The following SLC26A11 variants were observed in gnomAD, a reference collection of about 807,000 sequenced individuals.
SLC26A11 encodes the protein solute carrier family 26 member 11, also known as sodium-independent sulfate anion transporter.
SLC26A11 carries 58 observed loss-of-function variants against 62.2 expected under a neutral mutation model. The observed-to-expected ratio is 0.93, with a 90% confidence interval of 0.76 to 1.16. The LOEUF (loss-of-function observed/expected upper bound fraction) is 1.16, where lower values mean the gene tolerates loss of function less well. Among genes scored for constraint, SLC26A11 ranks in the 50% most tolerant of loss-of-function variants. The probability of loss-of-function intolerance (pLI) is 0.00; values close to 1 mark genes in which losing one functional copy is unlikely to be tolerated. For missense variants in SLC26A11, 790 were observed against 794.3 expected (o/e 0.99, Z 0.06); for synonymous variants, 411 against 368.9 (o/e 1.11, Z -1.31).
intron 16 of SLC26A11, among the ~76,000 whole-genome samples, chr17:80,250,533 T>G (rs1251407402): frequency 2.0e-5 from 3 of 152,158 alleles, no homozygotes; most frequent in Admixed American, 1.3e-4. Context: ...TGGAGATGAT[T>G]CACTTAAAAA....
At chr17:80,226,471 T>C (rs894472415) in intron 6 of SLC26A11, among the ~76,000 whole-genome samples, 3 of 152,082 alleles carry the variant, frequency 2.0e-5, no homozygotes, top group Non-Finnish European at 4.4e-5. Flanking sequence ...GAAGCCCAGG[T>C]GGGCAGATCA....
In SLC26A11 at chr17:80,240,227, C is replaced by T. The variant is rs1296064669; in HGVS notation, c.986-1544C>T. ...CTAAAAATACAAAAAATTAGCCAGGCGTGGTGGCGGGCGCCTGTAGTCCCA... is the reference window on the plus strand; with the variant it reads ...CTAAAAATACAAAAAATTAGCCAGGTGTGGTGGCGGGCGCCTGTAGTCCCA... On this transcript the variant is annotated intron_variant, in intron 9 of 17. Coordinates refer to ENST00000361193, the MANE Select transcript of SLC26A11 (RefSeq NM_001166347.2). Among the ~76,000 whole-genome samples, 3 of 151,890 alleles carry T rather than the reference C, an allele frequency of 2.0e-5. No individual in the cohort carries two copies. In the East Asian group the frequency reaches 5.8e-4, roughly 29 times the overall value.
chr17:80,250,783 C>T (rs1346069090), intron 16 of SLC26A11, among the ~76,000 whole-genome samples: 3 of 151,362 alleles, frequency 2.0e-5, no homozygotes, highest in African/African-American at 7.3e-5. Flanking sequence ...GCCGAGATCG[C>T]GCCATTGCAC....
rs114446173 is a variant in SLC26A11 at position 80,230,782 on chromosome 17, T to A, written c.736+2822T>A. ...GGGCTGCTGACTCCTTTCTCCCCAG[T>A]GTGTGTAGCATTGTCTTAGGAAACT... On this transcript the variant is annotated intron_variant, in intron 7 of 17. Transcript: ENST00000361193. 6.0e-3 allele frequency among the ~76,000 whole-genome samples: 918 copies of A among 152,314 alleles called. 12 individuals carry two copies. The highest frequency in any genetic ancestry group is 0.021 in the African/African-American group (866 of 41,556).
In SLC26A11 at chr17:80,230,482, G is replaced by C. The variant is rs556135009; in HGVS notation, c.736+2522G>C. Among the ~76,000 whole-genome samples, 5 of 152,268 alleles carry C rather than the reference G, an allele frequency of 3.3e-5. No homozygotes were observed. The East Asian group carries it at 9.7e-4, about 29-fold the overall frequency. On this transcript the variant is annotated intron_variant, in intron 7 of 17. Transcript: ENST00000361193. ...TCGAGATTTTCTTGATAAAGGCAAG[G>C]TGAAGAAAGGCGACCAGCTTAGGAC...
chr17:80,227,864 G>GTGCTGAAGCTGA lies in SLC26A11; in HGVS notation c.644_655dup (p.Leu215_Met218dup). The GTGCTGAAGCTGA allele has an allele frequency of 6.2e-7, 1 of 1,603,120 alleles. No individual in the cohort carries two copies. The highest frequency in any genetic ancestry group is 8.5e-7 in the Non-Finnish European group (1 of 1,179,850). The stretch of plus-strand genomic sequence containing the variant: ...GCTGGTCTGCATGCTGCTGCTGCTG[G>GTGCTGAAGCTGA]TGCTGAAGCTGATGCGGGACCACGT... On this transcript the variant is annotated inframe_insertion, in exon 7 of 18. Coordinates refer to ENST00000361193, the MANE Select transcript of SLC26A11 (RefSeq NM_001166347.2).
intron 10 of SLC26A11, among the ~76,000 whole-genome samples, chr17:80,242,456 G>C (rs1281625081): frequency 1.3e-5 from 2 of 152,208 alleles, no homozygotes; most frequent in Admixed American, 1.3e-4. Context: ...TCCCACCTCG[G>C]GGAGGGAGCA....
intron 9 of SLC26A11, among the ~76,000 whole-genome samples, chr17:80,239,222 G>A (rs1395216684): frequency 2.6e-5 from 4 of 151,654 alleles, no homozygotes; most frequent in Non-Finnish European, 1.5e-5. Context: ...TGGGATTACG[G>A]GTGCGCACCA....
chr17:80,228,026 T>G lies in SLC26A11; in HGVS notation c.736+66T>G. On this transcript the variant is annotated intron_variant, in intron 7 of 17. Coordinates refer to ENST00000361193, the MANE Select transcript of SLC26A11 (RefSeq NM_001166347.2). The surrounding 1 kb of genome is among the most constrained non-coding windows in gnomAD (Gnocchi z 4.1). ...CAGGTTGGGGTCACTTGGGGAGTCC[T>G]AGTCCCACCCTAGGGATTCTCACGT... 1.4e-6 allele frequency: 2 copies of G among 1,464,690 alleles called. No homozygotes were observed. Among genetic ancestry groups the G allele is most frequent in the Non-Finnish European group, 1.9e-6 (2 of 1,077,308 alleles). The allele number at this position is 1,464,690 out of a possible 1,614,324, so 90.7% of individuals were successfully genotyped here. A position where few individuals can be genotyped will look rare whatever the true frequency, so the allele number is the denominator to read the frequency against.
chr17:80,248,598 C>T lies in SLC26A11; in HGVS notation c.1446C>T (p.Val482=). ...AGGTGTCAGAGGGGCCGGTTCTGGT[C>T]CTGCAGCCGGCCAGCGGCCTGTCCT... ...ETKVSEGPVL[V]LQPASGLSFP... Residue 482 remains valine, a synonymous_variant, in exon 15 of 18, where the codon GTC becomes GTT. Transcript: ENST00000361193. The T allele has an allele frequency of 6.3e-7, 1 of 1,587,756 alleles. No individual in the cohort carries two copies. The highest frequency in any genetic ancestry group is 8.6e-7 in the Non-Finnish European group (1 of 1,167,472).
intron 9 of SLC26A11, among the ~76,000 whole-genome samples, chr17:80,240,436 C>T (rs1000533075): frequency 2.4e-4 from 37 of 152,010 alleles, no homozygotes; most frequent in African/African-American, 8.7e-4. Context: ...CCTTCGCCTG[C>T]TCACCTCTCT....
chr17:80,223,304 T>C lies in SLC26A11; in HGVS notation c.480T>C (p.Ala160=). The change falls in exon 5 of 18, where the codon GCT becomes GCC. Residue 160 remains alanine (A), a synonymous_variant. Coordinates refer to ENST00000361193, the MANE Select transcript of SLC26A11 (RefSeq NM_001166347.2). The surrounding 1 kb of genome is among the most constrained non-coding windows in gnomAD (Gnocchi z 4.6). Reference sequence around the variant, plus strand: ...CCGTCATTAAAGGCTTCACCTCTGCTGCTGCCGTCACCATCGGCTTTGGAC... The same window carrying C: ...CCGTCATTAAAGGCTTCACCTCTGCCGCTGCCGTCACCATCGGCTTTGGAC... The part of the protein sequence containing the change: ...SYPVIKGFTS[A]AAVTIGFGQI... The C allele has an allele frequency of 1.2e-6, 2 of 1,614,178 alleles. No homozygotes were observed. The highest frequency in any genetic ancestry group is 1.7e-6 in the Non-Finnish European group (2 of 1,180,032).
At position 80,237,602 on chromosome 17, in the gene SLC26A11, G is replaced by A. The variant is rs373723248; in HGVS notation, c.985+8G>A. ...CGGTGGCCAAAGCCTTCGGTAAGACGCCTGTCACCCACACCCCAGGTCTCC... is the reference window on the plus strand; with the variant it reads ...CGGTGGCCAAAGCCTTCGGTAAGACACCTGTCACCCACACCCCAGGTCTCC... On this transcript the variant is annotated splice_region_variant and intron_variant, in intron 9 of 17. Transcript: ENST00000361193. The A allele has an allele frequency of 1.1e-5, 18 of 1,609,270 alleles. No individual in the cohort carries two copies. The highest frequency in any genetic ancestry group is 3.3e-5 in the South Asian group (3 of 89,758).
Position 80,237,548 on chromosome 17 carries a change from G to T in SLC26A11, c.939G>T (p.Val313=). 6.2e-7 allele frequency: 1 copy of T among 1,611,864 alleles called. No homozygotes were observed. Among genetic ancestry groups the T allele is most frequent in the Non-Finnish European group, 8.5e-7 (1 of 1,179,230 alleles). ...VQDMGAGLAV[V]PLMGLLESIA... is the part of the protein sequence containing the mutation. ...ACATGGGAGCCGGGCTGGCCGTGGTGCCCCTGATGGGCCTCCTGGAGAGCA... is the reference window on the plus strand; with the variant it reads ...ACATGGGAGCCGGGCTGGCCGTGGTTCCCCTGATGGGCCTCCTGGAGAGCA... Residue 313 remains valine, a synonymous_variant, in exon 9 of 18, where the codon GTG becomes GTT. Coordinates refer to ENST00000361193, the MANE Select transcript of SLC26A11 (RefSeq NM_001166347.2).
At chr17:80,248,082 G>T (rs768897269) in intron 13 of SLC26A11, 48 bp from the exon 14 acceptor site, 42 of 1,549,840 alleles carry the variant, frequency 2.7e-5, no homozygotes, top group Non-Finnish European at 3.5e-5. Flanking sequence ...GGCCATGTTG[G>T]GGCCTCGGGC....
At chr17:80,248,043 G>A in intron 13 of SLC26A11, 87 bp from the exon 14 acceptor site, 1 of 1,443,996 alleles carries the variant, frequency 6.9e-7, no homozygotes, top group East Asian at 2.5e-5. Flanking sequence ...CATATGTGGG[G>A]GGCAGAAAGC....
intron 11 of SLC26A11, 177 bp downstream of exon 11, chr17:80,245,433 C>A (rs2144965812): frequency 4.9e-6 from 3 of 615,758 alleles, no homozygotes; most frequent in East Asian, 2.8e-5. Flanking sequence ...TTTCTTTATT[C>A]TCATAGATCG....
chr17:80,239,136 A>G (rs534718896), intron 9 of SLC26A11, among the ~76,000 whole-genome samples: 2 of 143,702 alleles, frequency 1.4e-5, no homozygotes, highest in South Asian at 2.2e-4. Context: ...GCTGGGTGCA[A>G]TGGTGTGATC....
In SLC26A11 at chr17:80,222,631, G is replaced by T; in HGVS notation, c.235-24G>T. The T allele has an allele frequency of 6.2e-7, 1 of 1,608,184 alleles. No individual in the cohort carries two copies. Among genetic ancestry groups the T allele is most frequent in the South Asian group, 1.1e-5 (1 of 90,244 alleles). ...GTGGATGGGCCTCGGCCTCCTGAGTGCTCACCACCCTCTCTCCCCACAGTA... is the reference window on the plus strand; with the variant it reads ...GTGGATGGGCCTCGGCCTCCTGAGTTCTCACCACCCTCTCTCCCCACAGTA... On this transcript the variant is annotated intron_variant, in intron 3 of 17. Transcript: ENST00000361193. The surrounding 1 kb of genome is among the most constrained non-coding windows in gnomAD (Gnocchi z 4.7).
Sources: allele counts gnomAD v4.1 joint callset (sites outside exome capture counted in the v4.1 genomes callset), GRCh38; gene constraint gnomAD v4.1.1; non-coding constraint Gnocchi (gnomAD v3.1); transcripts MANE v1.5; gene names NCBI Gene and HGNC (gene_info 2026-07-23, HGNC 2026-07-21).